DNM3: variants seen among roughly 807,000 people sequenced by gnomAD.
DNM3 encodes dynamin 3.
Under a neutral mutation model 101.6 loss-of-function variants are expected in DNM3, and 47 were observed. The ratio of observed to expected loss-of-function variants is 0.46; its 90% CI spans 0.37 to 0.59. The LOEUF (loss-of-function observed/expected upper bound fraction) is 0.59, where lower values mean the gene tolerates loss of function less well. Among genes scored for constraint, DNM3 ranks in the 20% least tolerant of loss-of-function variants. DNM3 has a pLI of 0.00. For missense variants in DNM3, 849 were observed against 1,085.7 expected (o/e 0.78, Z 3.06); for synonymous variants, 385 against 387.9 (o/e 0.99, Z 0.09).
At chr1:172,258,251 G>T (rs967179496) in intron 15 of DNM3, among the ~76,000 whole-genome samples, 2 of 151,868 alleles carry the variant, frequency 1.3e-5, no homozygotes, top group Non-Finnish European at 2.9e-5. Flanking sequence ...ACATGGGAGC[G>T]CGTGTGTCTC....
At chr1:172,368,172 T>C (rs1313742475) in intron 17 of DNM3, among the ~76,000 whole-genome samples, 1 of 151,948 alleles carries the variant, frequency 6.6e-6, no homozygotes, top group Non-Finnish European at 1.5e-5. Context: ...ACAGAATATG[T>C]GCTCTTCTCA....
intron 14 of DNM3, among the ~76,000 whole-genome samples, chr1:172,214,934 C>T (rs920894990): frequency 2.6e-5 from 4 of 151,750 alleles, no homozygotes; most frequent in African/African-American, 4.8e-5. Flanking sequence ...TGTAAAGTGC[C>T]GAAGTAATTG....
intron 2 of DNM3, among the ~76,000 whole-genome samples, chr1:171,929,210 G>C (rs2040814906): frequency 6.6e-6 from 1 of 152,212 alleles, no homozygotes; most frequent in African/African-American, 2.4e-5. Context: ...AAACAGCAAA[G>C]ATGGCAGCCT....
chr1:172,051,397 C>T (rs932759216), intron 10 of DNM3, among the ~76,000 whole-genome samples: 1 of 152,134 alleles, frequency 6.6e-6, no homozygotes, highest in Non-Finnish European at 1.5e-5. Flanking sequence ...TCACCTTCAA[C>T]GTGGAAGTGT....
chr1:171,944,968 A>G (rs576866374), intron 2 of DNM3, among the ~76,000 whole-genome samples: 2 of 141,970 alleles, frequency 1.4e-5, no homozygotes, highest in East Asian at 4.3e-4. Context: ...GGCTCAGGTG[A>G]TCCTCCTGCT....
chr1:172,235,826 A>C (rs2061520442), intron 14 of DNM3, among the ~76,000 whole-genome samples: 1 of 151,528 alleles, frequency 6.6e-6, no homozygotes, highest in East Asian at 1.9e-4. Flanking sequence ...AGGGGAACAT[A>C]ACACACCGGG....
In DNM3 at chr1:171,987,331, A is replaced by G. The variant is rs144085659; in HGVS notation, c.236-325A>G. 5.3e-4 allele frequency: 522 copies of G among 985,068 alleles called. 9 individuals carry two copies. The Admixed American group carries it at 0.028, about 52-fold the overall frequency. 61.0% of individuals were successfully genotyped at this position (985,068 alleles called of 1,614,324 possible). On this transcript the variant is annotated intron_variant, in intron 2 of 20. Coordinates refer to ENST00000627582, the MANE Select transcript of DNM3 (RefSeq NM_015569.5). ...GAGGTATCCCAGATCTAATGTCTTTAACAATCAGGTGCTGTTGTTTGCTTT... is the reference window on the plus strand; with the variant it reads ...GAGGTATCCCAGATCTAATGTCTTTGACAATCAGGTGCTGTTGTTTGCTTT...
chr1:171,889,330 TAAAAC>T (rs1229273344), intron 1 of DNM3, among the ~76,000 whole-genome samples: 14 of 151,594 alleles, frequency 9.2e-5, no homozygotes, highest in Non-Finnish European at 1.3e-4. Flanking sequence ...TTATTAAAAA[TAAAAC>T]AAAACAAAAC....
chr1:172,106,505 A>T (rs1163817438), intron 13 of DNM3, among the ~76,000 whole-genome samples: 1 of 152,146 alleles, frequency 6.6e-6, no homozygotes, highest in African/African-American at 2.4e-5. Context: ...TTTAGTACCT[A>T]GGTGATGAAA....
intron 14 of DNM3, among the ~76,000 whole-genome samples, chr1:172,180,220 G>A (rs867307180): frequency 3.9e-5 from 6 of 152,052 alleles, no homozygotes; most frequent in African/African-American, 1.4e-4. Flanking sequence ...ATGTATTTCG[G>A]TTTTTCAATA....
chr1:172,289,269 C>T (rs1410602349), intron 15 of DNM3, among the ~76,000 whole-genome samples: 2 of 152,034 alleles, frequency 1.3e-5, no homozygotes, highest in African/African-American at 4.8e-5. Context: ...GAAGCCAGAA[C>T]TATTGTGGAG....
intron 16 of DNM3, among the ~76,000 whole-genome samples, chr1:172,314,968 C>G (rs1364767247): frequency 6.6e-6 from 1 of 152,188 alleles, no homozygotes; most frequent in Non-Finnish European, 1.5e-5. Context: ...GACTCCCGAG[C>G]AGCCTAACTG....
intron 20 of DNM3, chr1:172,389,024 A>G: frequency 1.7e-6 from 1 of 594,840 alleles, no homozygotes; most frequent in South Asian, 2.1e-5. Flanking sequence ...ATCAATTGGC[A>G]CAGACTAAAT....
chr1:172,322,185 T>C (rs1277425719), intron 16 of DNM3, among the ~76,000 whole-genome samples: 2 of 152,108 alleles, frequency 1.3e-5, no homozygotes, highest in East Asian at 3.9e-4. Flanking sequence ...CCAGAAAATA[T>C]CTGTATATAT....
chr1:172,042,140 T>C lies in DNM3; in HGVS notation c.1124T>C (p.Val375Ala). The C allele has an allele frequency of 6.3e-7, 1 of 1,595,326 alleles. No homozygotes were observed. Among genetic ancestry groups the C allele is most frequent in the South Asian group, 1.2e-5 (1 of 86,706 alleles). The stretch of plus-strand genomic sequence containing the variant: ...CATGAACGCTTTCCTTTTGAGATAG[T>C]AAAGGTTTGTGTCAAACGTTATTTT... Reference protein sequence around the residue: ...IFHERFPFEIVKMEFNEKELR... With the variant: ...IFHERFPFEIAKMEFNEKELR... The change falls in exon 8 of 21, where the codon GTA becomes GCA. Residue 375 changes from valine (V) to alanine (A), a missense_variant. Transcript: ENST00000627582.
At chr1:172,178,639 G>C (rs1026547053) in intron 14 of DNM3, among the ~76,000 whole-genome samples, 1 of 151,800 alleles carries the variant, frequency 6.6e-6, no homozygotes, top group Admixed American at 6.6e-5. Flanking sequence ...GGGTGTGCAA[G>C]AGATACAGCA....
chr1:171,871,239 G>A (rs2035253462), intron 1 of DNM3, among the ~76,000 whole-genome samples: 1 of 152,170 alleles, frequency 6.6e-6, no homozygotes, highest in African/African-American at 2.4e-5. Context: ...AGGATACAGA[G>A]GGTGTTATTT....
chr1:172,040,210 A>T (rs978004012), intron 7 of DNM3, among the ~76,000 whole-genome samples: 1 of 152,152 alleles, frequency 6.6e-6, no homozygotes, highest in African/African-American at 2.4e-5. Flanking sequence ...TTCATGTTTC[A>T]GTGTGTATGT....
chr1:172,095,044 C>A (rs1157643192), intron 13 of DNM3, among the ~76,000 whole-genome samples: 2 of 152,150 alleles, frequency 1.3e-5, no homozygotes, highest in African/African-American at 4.8e-5. Context: ...TTTGCTTTTG[C>A]TGGATACTTC....
Sources: gnomAD v4.1 joint callset for allele counts (sites outside exome capture counted in the v4.1 genomes callset) on GRCh38, gnomAD v4.1.1 for gene constraint, MANE v1.5 for transcripts, NCBI Gene and HGNC (gene_info 2026-07-23, HGNC 2026-07-21) for gene names.